The following MED1 variants were observed in gnomAD, a reference collection of about 807,000 sequenced individuals.
The protein encoded by MED1 is mediator of RNA polymerase II transcription subunit 1.
MED1 carries 17 observed loss-of-function variants against 121.3 expected under a neutral mutation model. That is an observed-to-expected ratio of 0.14 (90% CI 0.10 to 0.21). The LOEUF (loss-of-function observed/expected upper bound fraction) is 0.21, where lower values mean the gene tolerates loss of function less well. MED1 is among the 10% of genes least tolerant of loss of function. The probability of loss-of-function intolerance (pLI) is 1.00; values close to 1 mark genes in which losing one functional copy is unlikely to be tolerated. For synonymous variants in MED1, 661 were observed against 694.4 expected, an observed-to-expected ratio of 0.95 and a Z score of 0.76; for missense variants, 1,558 against 1,919.4, an observed-to-expected ratio of 0.81 and a Z score of 3.52.
intron 6 of MED1, among the ~76,000 whole-genome samples, chr17:39,437,455 C>T (rs2048630900): frequency 6.6e-6 from 1 of 152,126 alleles, no homozygotes; most frequent in Non-Finnish European, 1.5e-5. Context: ...GTTGTAACAA[C>T]TAAGGAGATA....
intron 10 of MED1, 194 bp downstream of exon 10, chr17:39,427,507 G>A (rs2048525400): frequency 2.4e-6 from 1 of 413,194 alleles, no homozygotes; most frequent in South Asian, 3.5e-5. Context: ...CTCCTATTAT[G>A]TATGTGTGTA....
intron 13 of MED1, among the ~76,000 whole-genome samples, chr17:39,421,514 C>A (rs2048465015): frequency 6.6e-6 from 1 of 152,090 alleles, no homozygotes; most frequent in South Asian, 2.1e-4. Context: ...CGCGCCACTG[C>A]ACTCCAGCCT....
At chr17:39,432,236 G>A (rs533312152) in intron 7 of MED1, among the ~76,000 whole-genome samples, 129 of 148,934 alleles carry the variant, frequency 8.7e-4, no homozygotes, top group African/African-American at 3.0e-3. Context: ...CCAGCTGCTC[G>A]GAAGGGTGAG....
rs1482182872 is a variant in MED1 at position 39,405,854 on chromosome 17, T to C, written c.*1621A>G. On this transcript the variant is annotated 3_prime_UTR_variant, in exon 17 of 17. Coordinates refer to ENST00000300651, the MANE Select transcript of MED1 (RefSeq NM_004774.4). ...GAAAAAGCTGAATATAGAAATCTTC[T>C]TCCATATATGATGAAGTCACTCCAC... 32 of 985,628 alleles carry C rather than the reference T, an allele frequency of 3.2e-5. No individual in the cohort carries two copies. The highest frequency in any genetic ancestry group is 3.7e-5 in the Non-Finnish European group (31 of 830,218). 61.1% of individuals were successfully genotyped at this position (985,628 alleles called of 1,614,324 possible).
intron 13 of MED1, among the ~76,000 whole-genome samples, chr17:39,422,053 G>A (rs1334889297): frequency 2.0e-5 from 3 of 149,876 alleles, no homozygotes; most frequent in South Asian, 2.1e-4. Context: ...GCATGAACCC[G>A]GGAGGTGGAG....
chr17:39,422,617 A>G (rs1259396502), intron 13 of MED1, among the ~76,000 whole-genome samples: 1 of 151,014 alleles, frequency 6.6e-6, no homozygotes, highest in African/African-American at 2.4e-5. Context: ...CTGGGATTAC[A>G]GGCATGTTCC....
At position 39,405,490 on chromosome 17, in the gene MED1, G is replaced by A. The variant is rs541536041; in HGVS notation, c.*1985C>T. The A allele has an allele frequency of 3.5e-4, 483 of 1,398,274 alleles. No individual in the cohort carries two copies. The highest frequency in any genetic ancestry group is 4.3e-4 in the Non-Finnish European group (466 of 1,077,534). The allele number at this position is 1,398,274 out of a possible 1,614,324, so 86.6% of individuals were successfully genotyped here. On this transcript the variant is annotated 3_prime_UTR_variant, in exon 17 of 17. Coordinates refer to ENST00000300651, the MANE Select transcript of MED1 (RefSeq NM_004774.4). ...TTTTTTTTCCTGCAGAAACCAACGGGATAGGATTCAAAACTAGGTGACAAA... is the reference window on the plus strand; with the variant it reads ...TTTTTTTTCCTGCAGAAACCAACGGAATAGGATTCAAAACTAGGTGACAAA...
Position 39,430,021 on chromosome 17 carries a change from T to A in MED1, c.649+1094A>T, listed in dbSNP as rs1283425972. Reference sequence around the variant, plus strand: ...TTATTTGGGCCCAGGAGGTTGAGGCTGGAGTGAGTCATGATTGCACGACTG... The same window carrying A: ...TTATTTGGGCCCAGGAGGTTGAGGCAGGAGTGAGTCATGATTGCACGACTG... On this transcript the variant is annotated intron_variant, in intron 9 of 16. Transcript: ENST00000300651. 2.6e-5 allele frequency among the ~76,000 whole-genome samples: 4 copies of A among 152,114 alleles called. No individual in the cohort carries two copies. The East Asian group carries it at 7.7e-4, about 29-fold the overall frequency.
Position 39,409,155 on chromosome 17 carries a change from T to C in MED1, c.3066A>G (p.Pro1022=). Residue 1022 remains proline (P), a synonymous_variant, in exon 17 of 17, where the codon CCA becomes CCG. Transcript: ENST00000300651. Reference sequence around the variant, plus strand: ...AAGGTCTGTTAGAAGAACTATGAGATGGAGACTTTCCCTCAGTGTCTGCCT... The same window carrying C: ...AAGGTCTGTTAGAAGAACTATGAGACGGAGACTTTCCCTCAGTGTCTGCCT... ...RKKADTEGKS[P]SHSSSNRPFT... 2 of 1,614,200 alleles carry C rather than the reference T, an allele frequency of 1.2e-6. No homozygotes were observed. Among genetic ancestry groups the C allele is most frequent in the Non-Finnish European group, 1.7e-6 (2 of 1,180,024 alleles).
chr17:39,428,832 G>T (rs1325180202), intron 9 of MED1, among the ~76,000 whole-genome samples: 1 of 151,356 alleles, frequency 6.6e-6, no homozygotes, highest in Non-Finnish European at 1.5e-5. Flanking sequence ...CGCACCTGTA[G>T]TCCCAACTAC....
intron 7 of MED1, among the ~76,000 whole-genome samples, chr17:39,433,560 T>G (rs1484909340): frequency 1.3e-5 from 2 of 149,660 alleles, no homozygotes; most frequent in African/African-American, 5.0e-5. Flanking sequence ...CACATATTTT[T>G]TCTTTTTTTT....
rs138920788 is a variant in MED1, at chr17:39,419,901, C to A, written c.1113G>T (p.Gln371His). 800 of 1,613,828 alleles carry A rather than the reference C, an allele frequency of 5.0e-4. No individual in the cohort carries two copies. Among genetic ancestry groups the A allele is most frequent in the Non-Finnish European group, 6.6e-4 (776 of 1,179,908 alleles). Residue 371 changes from glutamine (Q) to histidine (H), a missense_variant, in exon 14 of 17, where the codon CAG becomes CAT. Gln to His is a conservative substitution (Grantham distance 24). Coordinates refer to ENST00000300651, the MANE Select transcript of MED1 (RefSeq NM_004774.4). ...MRFYAALPGQ[Q>H]HCYFLNKDAP... ...CATCCTTGTTGAGGAAATAGCAGTG[C>A]TGCTGACCAGGAAGAGCCTGGGCAA...
At chr17:39,444,694 C>T (rs1255534096) in intron 2 of MED1, among the ~76,000 whole-genome samples, 1 of 151,772 alleles carries the variant, frequency 6.6e-6, no homozygotes, top group African/African-American at 2.4e-5. Context: ...CATAGTGAAA[C>T]CCCATCTCTA....
At position 39,410,776 on chromosome 17, in the gene MED1, C is replaced by T. The variant is rs960953737; in HGVS notation, c.1500-55G>A. The T allele has an allele frequency of 3.3e-6, 5 of 1,533,978 alleles. No homozygotes were observed. In the African/African-American group the frequency reaches 6.9e-5, roughly 21 times the overall value. ...CATTGCAATAGCTGCTGAATGAGAC[C>T]TGAGATTTAGATATAACATCAGAGT... On this transcript the variant is annotated intron_variant, in intron 16 of 16. Coordinates refer to ENST00000300651, the MANE Select transcript of MED1 (RefSeq NM_004774.4).
intron 1 of MED1, among the ~76,000 whole-genome samples, chr17:39,450,020 G>T (rs1597878827): frequency 6.6e-6 from 1 of 150,836 alleles, no homozygotes; most frequent in East Asian, 1.9e-4. Context: ...CTCCATGTTG[G>T]TCAGGCTGGT....
At chr17:39,411,936 A>T (rs2144718812) in intron 16 of MED1, among the ~76,000 whole-genome samples, 1 of 151,696 alleles carries the variant, frequency 6.6e-6, no homozygotes, top group Non-Finnish European at 1.5e-5. Context: ...GAACCCGGGA[A>T]GCAGAGGTTG....
intron 10 of MED1, among the ~76,000 whole-genome samples, chr17:39,426,809 C>T (rs550000268): frequency 2.0e-5 from 3 of 152,164 alleles, no homozygotes; most frequent in African/African-American, 7.2e-5. Context: ...GCTGGGATTA[C>T]AGGCATGAGC....
chr17:39,406,685 G>A lies in MED1; in HGVS notation c.*790C>T. The A allele has an allele frequency of 2.0e-6, 2 of 984,710 alleles. No homozygotes were observed. The highest frequency in any genetic ancestry group is 5.2e-4 in the Middle Eastern group (1 of 1,914). The allele number at this position is 984,710 out of a possible 1,614,324, so 61.0% of individuals were successfully genotyped here. A position where few individuals can be genotyped will look rare whatever the true frequency, so the allele number is the denominator to read the frequency against. ...CTCCTAAAATAAAAATATCATTTTG[G>A]TTTTTCTATTATATTTAACTCTAAA... On this transcript the variant is annotated 3_prime_UTR_variant, in exon 17 of 17. Coordinates refer to ENST00000300651, the MANE Select transcript of MED1 (RefSeq NM_004774.4).
Position 39,409,586 on chromosome 17 carries a change from C to T in MED1, c.2635G>A (p.Gly879Arg). Residue 879 changes from glycine (G) to arginine (R), a missense_variant, in exon 17 of 17, where the codon GGA (glycine) becomes AGA (arginine). Coordinates refer to ENST00000300651, the MANE Select transcript of MED1 (RefSeq NM_004774.4). ...LLNSQSQSGF[G>R]EEYFDESSQS... ...CTGCTTTCATCAAAATATTCTTCTCCAAAACCACTTTGGCTCTGGCTGTTC... is the reference window on the plus strand; with the variant it reads ...CTGCTTTCATCAAAATATTCTTCTCTAAAACCACTTTGGCTCTGGCTGTTC... The T allele has an allele frequency of 6.2e-7, 1 of 1,614,110 alleles. No homozygotes were observed.
Sources: allele counts gnomAD v4.1 joint callset (sites outside exome capture counted in the v4.1 genomes callset), GRCh38; gene constraint gnomAD v4.1.1; transcripts MANE v1.5; gene names NCBI Gene and HGNC (gene_info 2026-07-23, HGNC 2026-07-21).